The following SLC39A9 variants were observed in gnomAD, a reference collection of about 807,000 sequenced individuals.
The protein encoded by SLC39A9 is solute carrier family 39 member 9.
A neutral mutation model predicts 28.4 loss-of-function variants in SLC39A9; 14 were observed. The ratio of observed to expected loss-of-function variants is 0.49; its 90% CI spans 0.33 to 0.77. The LOEUF (loss-of-function observed/expected upper bound fraction) is 0.77, where lower values mean the gene tolerates loss of function less well. Among genes scored for constraint, SLC39A9 ranks in the 30% least tolerant of loss-of-function variants. SLC39A9 has a pLI of 0.02. For synonymous variants in SLC39A9, 119 were observed against 149.6 expected, an observed-to-expected ratio of 0.80 and a Z score of 1.49; for missense variants, 283 against 381.1, an observed-to-expected ratio of 0.74 and a Z score of 2.14.
In SLC39A9 at chr14:69,461,774, G is replaced by A. The variant is rs1055324487; in HGVS notation, c.*3181G>A. Reference sequence around the variant, plus strand: ...ACATGGTAGCTAGGGACTGAACACAGGAACCGTATGACAGCAGCACAAACC... The same window carrying A: ...ACATGGTAGCTAGGGACTGAACACAAGAACCGTATGACAGCAGCACAAACC... On this transcript the variant is annotated 3_prime_UTR_variant, in exon 7 of 7. Transcript: ENST00000336643. 7 of 1,530,928 alleles carry A rather than the reference G, an allele frequency of 4.6e-6. No homozygotes were observed. The highest frequency in any genetic ancestry group is 6.1e-6 in the Non-Finnish European group (7 of 1,143,656). 94.8% of individuals were successfully genotyped at this position (1,530,928 alleles called of 1,614,324 possible).
intron 3 of SLC39A9, among the ~76,000 whole-genome samples, chr14:69,445,183 A>G (rs8014284): frequency 0.12 from 18,791 of 152,192 alleles, 1,395 homozygotes; most frequent in Middle Eastern, 0.24. Flanking sequence ...GTCCATTTAT[A>G]CATGGATTTT....
chr14:69,425,521 T>C (rs1455438337), intron 2 of SLC39A9, among the ~76,000 whole-genome samples: 1 of 152,232 alleles, frequency 6.6e-6, no homozygotes, highest in Non-Finnish European at 1.5e-5. Context: ...ACAAGCTGTC[T>C]GCAATTCTTA....
At chr14:69,430,126 ATT>A (rs1257841012) in intron 2 of SLC39A9, among the ~76,000 whole-genome samples, 2 of 152,132 alleles carry the variant, frequency 1.3e-5, no homozygotes, top group South Asian at 2.1e-4. Flanking sequence ...TTCTGCAAAC[ATT>A]TTCTCCTAGT....
intron 1 of SLC39A9, among the ~76,000 whole-genome samples, chr14:69,422,531 A>C (rs2140272768): frequency 6.6e-6 from 1 of 152,056 alleles, no homozygotes; most frequent in Non-Finnish European, 1.5e-5. Flanking sequence ...TGCTTCCACC[A>C]CCCAAGCAGC....
chr14:69,433,297 A>G (rs1884583578), intron 2 of SLC39A9, among the ~76,000 whole-genome samples: 4 of 152,138 alleles, frequency 2.6e-5, no homozygotes, highest in Non-Finnish European at 5.9e-5. Flanking sequence ...CCTCCTAGTT[A>G]TTATATATAA....
At chr14:69,427,661 T>C (rs1410018480) in intron 2 of SLC39A9, among the ~76,000 whole-genome samples, 1 of 152,192 alleles carries the variant, frequency 6.6e-6, no homozygotes, top group African/African-American at 2.4e-5. Flanking sequence ...TTTCAGAATG[T>C]CATAAATGGA....
chr14:69,457,836 A>G (rs1345308014), intron 6 of SLC39A9, among the ~76,000 whole-genome samples: 2 of 152,162 alleles, frequency 1.3e-5, no homozygotes, highest in Non-Finnish European at 2.9e-5. Context: ...GTAGTGTGTT[A>G]TGATTGTGCC....
At chr14:69,448,528 A>G (rs1332571355) in intron 3 of SLC39A9, among the ~76,000 whole-genome samples, 1 of 152,186 alleles carries the variant, frequency 6.6e-6, no homozygotes, top group Non-Finnish European at 1.5e-5. Context: ...CATACACACA[A>G]AAGTTTTTAT....
intron 2 of SLC39A9, among the ~76,000 whole-genome samples, chr14:69,434,057 T>C (rs1400004817): frequency 6.6e-6 from 1 of 151,170 alleles, no homozygotes; most frequent in Non-Finnish European, 1.5e-5. Flanking sequence ...AGTGCTGAGA[T>C]TACAGGCATG....
intron 5 of SLC39A9, 78 bp from the exon 6 acceptor site, chr14:69,455,654 T>A (rs2139456097): frequency 1.9e-6 from 3 of 1,562,462 alleles, no homozygotes; most frequent in Non-Finnish European, 2.6e-6. Flanking sequence ...GAAATCATAG[T>A]CAAATGGCAT....
chr14:69,406,803 T>C (rs1233921971), intron 1 of SLC39A9, among the ~76,000 whole-genome samples: 2 of 151,610 alleles, frequency 1.3e-5, no homozygotes, highest in Non-Finnish European at 2.9e-5. Flanking sequence ...TTTTAACTTA[T>C]TGAAATAAAA....
chr14:69,402,198 A>G (rs1882674079), intron 1 of SLC39A9, among the ~76,000 whole-genome samples: 1 of 151,970 alleles, frequency 6.6e-6, no homozygotes, highest in Admixed American at 6.6e-5. Flanking sequence ...CACATAAAAT[A>G]CACTAACACT....
chr14:69,460,927 C>T lies in SLC39A9; in HGVS notation c.*2334C>T. Reference sequence around the variant, plus strand: ...CATCTTCAGGCAGCAGGGAACCAAGCAGCGTGGCACAGGCCTTCTTGACTG... The same window carrying T: ...CATCTTCAGGCAGCAGGGAACCAAGTAGCGTGGCACAGGCCTTCTTGACTG... On this transcript the variant is annotated 3_prime_UTR_variant, in exon 7 of 7. Coordinates refer to ENST00000336643, the MANE Select transcript of SLC39A9 (RefSeq NM_018375.5). 2 of 985,586 alleles carry T rather than the reference C, an allele frequency of 2.0e-6. No individual in the cohort carries two copies. The highest frequency in any genetic ancestry group is 2.4e-6 in the Non-Finnish European group (2 of 830,078). 61.1% of individuals were successfully genotyped at this position (985,586 alleles called of 1,614,324 possible).
chr14:69,418,047 G>A (rs1019702008), intron 1 of SLC39A9, among the ~76,000 whole-genome samples: 1 of 152,110 alleles, frequency 6.6e-6, no homozygotes, highest in African/African-American at 2.4e-5. Flanking sequence ...TCTTGTGCCA[G>A]TTTTCAAAGG....
intron 3 of SLC39A9, among the ~76,000 whole-genome samples, chr14:69,451,578 G>A (rs536224881): frequency 5.3e-5 from 8 of 152,280 alleles, no homozygotes; most frequent in African/African-American, 1.7e-4. Context: ...CAGTCCATCT[G>A]GGGATAGAAA....
intron 2 of SLC39A9, among the ~76,000 whole-genome samples, chr14:69,429,804 A>G (rs1031623433): frequency 2.0e-5 from 3 of 152,196 alleles, no homozygotes; most frequent in African/African-American, 7.2e-5. Context: ...AGTGGCTGTA[A>G]TATTTTGCAT....
At chr14:69,451,043 G>A (rs1885586266) in intron 3 of SLC39A9, among the ~76,000 whole-genome samples, 1 of 152,074 alleles carries the variant, frequency 6.6e-6, no homozygotes, top group South Asian at 2.1e-4. Flanking sequence ...GCCTCTAATT[G>A]TTTAAGATCC....
chr14:69,405,147 C>T (rs1237633751), intron 1 of SLC39A9, among the ~76,000 whole-genome samples: 1 of 152,152 alleles, frequency 6.6e-6, no homozygotes, highest in Non-Finnish European at 1.5e-5. Context: ...CCACCAGGTC[C>T]CTCGCATGGG....
At position 69,458,494 on chromosome 14, in the gene SLC39A9, C is replaced by T. The variant is rs759391188; in HGVS notation, c.825C>T (p.Pro275=). Residue 275 remains proline (P), a synonymous_variant, in exon 7 of 7, where the codon CCC becomes CCT. Coordinates refer to ENST00000336643, the MANE Select transcript of SLC39A9 (RefSeq NM_018375.5). ...EVGGIGHSHK[P]DATGGRGLSR... Reference sequence around the variant, plus strand: ...GCGGAATAGGGCACAGCCACAAGCCCGATGCCACGGGAGGGAGAGGCCTCA... The same window carrying T: ...GCGGAATAGGGCACAGCCACAAGCCTGATGCCACGGGAGGGAGAGGCCTCA... 59 of 1,614,114 alleles carry T rather than the reference C, an allele frequency of 3.7e-5. No individual in the cohort carries two copies. In the East Asian group the frequency reaches 1.3e-3, roughly 35 times the overall value.
Sources: allele counts gnomAD v4.1 joint callset (sites outside exome capture counted in the v4.1 genomes callset), GRCh38; gene constraint gnomAD v4.1.1; transcripts MANE v1.5; gene names NCBI Gene and HGNC (gene_info 2026-07-23, HGNC 2026-07-21).